ZNF277: variants seen among roughly 807,000 people sequenced by gnomAD.
ZNF277 encodes the protein nuclear receptor-interacting factor 4.
In ZNF277, 55 loss-of-function variants were observed where a neutral mutation model predicts 60.7. The ratio of observed to expected loss-of-function variants is 0.91; its 90% confidence interval spans 0.73 to 1.13. The LOEUF (loss-of-function observed/expected upper bound fraction) is 1.13. Among genes scored for constraint, ZNF277 ranks in the 50% most tolerant of loss-of-function variants. ZNF277 has a pLI of 0.00. For synonymous variants in ZNF277, 178 were observed against 179.3 expected (o/e 0.99, Z 0.06); for missense variants, 510 against 523.0 (o/e 0.98, Z 0.24).
Position 112,238,797 on chromosome 7 carries a change from AT to A in ZNF277, c.91+32000del, listed in dbSNP as rs200616379. 5.5e-4 allele frequency among the ~76,000 whole-genome samples: 68 copies of A among 124,500 alleles called. 1 individual carries two copies. The highest frequency in any genetic ancestry group is 8.3e-4 in the Non-Finnish European group (45 of 54,038). The allele number at this position is 124,500 out of a possible 152,430, so 81.7% of individuals were successfully genotyped here. On this transcript the variant is annotated intron_variant, in intron 1 of 11. Transcript: ENST00000361822. The stretch of plus-strand genomic sequence containing the variant: ...GCTCCTGGATGATATTTTTTACTTA[AT>A]TTTTTTTTTATTTCAATAGATTTTT...
In ZNF277 at chr7:112,312,984, ATATGT is replaced by A. The variant is rs1225673562; in HGVS notation, c.466-5194_466-5190del. On this transcript the variant is annotated intron_variant, in intron 4 of 11. Coordinates refer to ENST00000361822, the MANE Select transcript of ZNF277 (RefSeq NM_021994.3). ...GTATAAGTGAAAAATGGTCAAAAGT[ATATGT>A]TATATCTTTGTTGTTATTTTAAGAA... Among the ~76,000 whole-genome samples the A allele has an allele frequency of 3.9e-5, 6 of 152,242 alleles. No individual in the cohort carries two copies. In the East Asian group the frequency reaches 9.6e-4, roughly 24 times the overall value.
intron 1 of ZNF277, among the ~76,000 whole-genome samples, chr7:112,217,265 AC>A (rs1821910840): frequency 1.3e-5 from 2 of 152,196 alleles, no homozygotes; most frequent in Admixed American, 1.3e-4. Context: ...TAATATTTGG[AC>A]ATGCAGAAAC....
chr7:112,220,448 C>A (rs1467386168), intron 1 of ZNF277, among the ~76,000 whole-genome samples: 1 of 151,952 alleles, frequency 6.6e-6, no homozygotes, highest in Admixed American at 6.5e-5. Context: ...TTAGGGTTTT[C>A]TGTATATAAG....
At chr7:112,229,237 A>G (rs982998117) in intron 1 of ZNF277, among the ~76,000 whole-genome samples, 2 of 152,222 alleles carry the variant, frequency 1.3e-5, no homozygotes, top group Non-Finnish European at 2.9e-5. Context: ...GAAAGAAGTA[A>G]TTATGGTTGC....
chr7:112,322,963 C>G (rs867997015), intron 5 of ZNF277, among the ~76,000 whole-genome samples: 1 of 152,158 alleles, frequency 6.6e-6, no homozygotes, highest in African/African-American at 2.4e-5. Flanking sequence ...CCACTGAAGT[C>G]TCTGCACAGT....
chr7:112,299,211 C>T (rs570033976), intron 4 of ZNF277, among the ~76,000 whole-genome samples: 63 of 152,064 alleles, frequency 4.1e-4, no homozygotes, highest in Non-Finnish European at 4.7e-4. Context: ...CTTCTGTGGG[C>T]GTTAGCAATG....
At chr7:112,253,870 A>G (rs563733746) in intron 1 of ZNF277, among the ~76,000 whole-genome samples, 35 of 152,192 alleles carry the variant, frequency 2.3e-4, no homozygotes, top group Admixed American at 1.6e-3. Context: ...ACTTTGCTTT[A>G]TTTTCTCAGA....
At chr7:112,213,315 C>A (rs1050986801) in intron 1 of ZNF277, among the ~76,000 whole-genome samples, 3 of 152,120 alleles carry the variant, frequency 2.0e-5, no homozygotes, top group Non-Finnish European at 4.4e-5. Context: ...TTGTAAATTG[C>A]CCAGTCTCGG....
At chr7:112,312,053 T>C (rs1792744322) in intron 4 of ZNF277, among the ~76,000 whole-genome samples, 1 of 152,132 alleles carries the variant, frequency 6.6e-6, no homozygotes, top group Admixed American at 6.5e-5. Context: ...TTGTGCACCC[T>C]GTCTATAATG....
Position 112,206,793 on chromosome 7 carries a change from G to C in ZNF277, c.77G>C (p.Gly26Ala), listed in dbSNP as rs771407352. The part of the protein sequence containing the change: ...DRDGSCSTVG[G>A]VGYGDSKDCI... ...GATGGGAGCTGCAGCACAGTCGGGG[G>C]TGTAGGTTATGGGGGTGAGTACGGT... The change falls in exon 1 of 12, where the codon GGT (glycine) becomes GCT (alanine). Residue 26 changes from glycine to alanine, a missense_variant. Coordinates refer to ENST00000361822, the MANE Select transcript of ZNF277 (RefSeq NM_021994.3). The C allele has an allele frequency of 3.1e-6, 5 of 1,613,302 alleles. No homozygotes were observed. Among genetic ancestry groups the C allele is most frequent in the Non-Finnish European group, 3.4e-6 (4 of 1,179,756 alleles).
Position 112,327,828 on chromosome 7 carries a change from G to GT in ZNF277, c.668+2dup. On this transcript the variant is annotated splice_donor_variant, in intron 6 of 11. Coordinates refer to ENST00000361822, the MANE Select transcript of ZNF277 (RefSeq NM_021994.3). LOFTEE classifies it high-confidence loss of function. ...GTACATTACAGAAAAAGCTTGACAA[G>GT]TAAGTACTGATTTATGAAACACTGC... 1 of 1,593,826 alleles carries GT rather than the reference G, an allele frequency of 6.3e-7. No individual in the cohort carries two copies. The highest frequency in any genetic ancestry group is 8.6e-7 in the Non-Finnish European group (1 of 1,167,296).
At chr7:112,254,634 T>C (rs1384570431) in intron 1 of ZNF277, among the ~76,000 whole-genome samples, 1 of 152,210 alleles carries the variant, frequency 6.6e-6, no homozygotes, top group Non-Finnish European at 1.5e-5. Flanking sequence ...AAAGAAGTGT[T>C]TCCTAATCCT....
chr7:112,311,504 T>C (rs544391425), intron 4 of ZNF277, among the ~76,000 whole-genome samples: 2 of 152,106 alleles, frequency 1.3e-5, no homozygotes, highest in Non-Finnish European at 2.9e-5. Context: ...TAAACTTAAA[T>C]GAATAAAACC....
At chr7:112,258,990 A>C (rs1331772092) in intron 1 of ZNF277, among the ~76,000 whole-genome samples, 1 of 152,046 alleles carries the variant, frequency 6.6e-6, no homozygotes, top group African/African-American at 2.4e-5. Flanking sequence ...ACTTTGCTTC[A>C]AATAGTATTC....
intron 1 of ZNF277, among the ~76,000 whole-genome samples, chr7:112,220,264 C>T (rs570266494): frequency 2.0e-5 from 3 of 152,014 alleles, no homozygotes; most frequent in Admixed American, 6.5e-5. Context: ...GATCTTACAA[C>T]TCTTTGGTTC....
intron 5 of ZNF277, among the ~76,000 whole-genome samples, chr7:112,326,945 G>A (rs1160221166): frequency 2.0e-5 from 3 of 152,038 alleles, no homozygotes; most frequent in African/African-American, 7.2e-5. Flanking sequence ...AATTACATTT[G>A]TCCTTTTCTG....
chr7:112,261,482 G>A (rs1791437753), intron 1 of ZNF277, among the ~76,000 whole-genome samples: 1 of 151,956 alleles, frequency 6.6e-6, no homozygotes, highest in African/African-American at 2.4e-5. Flanking sequence ...TTTTATTTTA[G>A]CCTATATCGA....
intron 1 of ZNF277, among the ~76,000 whole-genome samples, chr7:112,277,122 C>T (rs1791819920): frequency 1.6e-5 from 2 of 127,132 alleles, no homozygotes; most frequent in East Asian, 2.3e-4. Flanking sequence ...CTCCCTCTGT[C>T]GCCCAGGCTG....
rs771628379 is a variant in ZNF277, at chr7:112,327,778, A to G, written c.619A>G (p.Ile207Val). The G allele has an allele frequency of 7.4e-6, 12 of 1,612,380 alleles. No individual in the cohort carries two copies. Among genetic ancestry groups the G allele is most frequent in the East Asian group, 2.2e-5 (1 of 44,774 alleles). ...HAFNIGLPDN[I>V]VNCNEFLCTL... The stretch of plus-strand genomic sequence containing the variant: ...TTTCAACATTGGATTGCCAGACAAC[A>G]TTGTAAACTGCAATGAATTTTTGTG... The change falls in exon 6 of 12, where the codon ATT becomes GTT. Residue 207 changes from isoleucine to valine, a missense_variant. Physicochemically the swap from Ile to Val is conservative, Grantham distance 29 (BLOSUM62 3). Coordinates refer to ENST00000361822, the MANE Select transcript of ZNF277 (RefSeq NM_021994.3).
Sources: allele counts gnomAD v4.1 joint callset (sites outside exome capture counted in the v4.1 genomes callset), GRCh38; gene constraint gnomAD v4.1.1; transcripts MANE v1.5; gene names NCBI Gene and HGNC (gene_info 2026-07-23, HGNC 2026-07-21).